Variants in MEIS1 observed in about 807,000 individuals in gnomAD.
MEIS1 encodes the protein homeobox protein Meis1.
A neutral mutation model predicts 50.8 loss-of-function variants in MEIS1; 5 were observed. That is an observed-to-expected ratio of 0.10 (90% CI 0.05 to 0.21). The LOEUF (loss-of-function observed/expected upper bound fraction) is 0.21, where lower values mean the gene tolerates loss of function less well. MEIS1 is among the 10% of genes least tolerant of loss of function. The pLI, the probability that MEIS1 is intolerant of heterozygous loss-of-function variation, is 1.00. For synonymous variants in MEIS1, 176 were observed against 179.3 expected (o/e 0.98, Z 0.15); for missense variants, 318 against 517.3 (o/e 0.61, Z 3.74).
At chr2:66,509,317 G>T (rs968396734) in intron 7 of MEIS1, among the ~76,000 whole-genome samples, 11 of 152,188 alleles carry the variant, frequency 7.2e-5, no homozygotes, top group Admixed American at 3.3e-4. Flanking sequence ...AAGGAGCAGG[G>T]TTTATTGTTT....
chr2:66,557,151 G>A (rs1407572190), intron 9 of MEIS1, among the ~76,000 whole-genome samples: 1 of 152,094 alleles, frequency 6.6e-6, no homozygotes, highest in Admixed American at 6.5e-5. Context: ...AAAAATCCTG[G>A]GAGGGAGGGA....
chr2:66,516,104 G>A (rs565788724), intron 8 of MEIS1, among the ~76,000 whole-genome samples: 1 of 152,160 alleles, frequency 6.6e-6, no homozygotes, highest in Non-Finnish European at 1.5e-5. Context: ...TGCATGCCAC[G>A]TTTAAGGTAA....
intron 7 of MEIS1, among the ~76,000 whole-genome samples, chr2:66,502,780 A>G (rs904718167): frequency 9.2e-5 from 14 of 152,224 alleles, no homozygotes; most frequent in Non-Finnish European, 1.6e-4. Flanking sequence ...AATTGCACAT[A>G]GTTTAACATT....
At chr2:66,556,883 T>C (rs1675079192) in intron 9 of MEIS1, among the ~76,000 whole-genome samples, 1 of 110,606 alleles carries the variant, frequency 9.0e-6, no homozygotes, top group African/African-American at 3.6e-5. Flanking sequence ...TAGTAGGTTA[T>C]GGCAGAGATT....
intron 6 of MEIS1, among the ~76,000 whole-genome samples, chr2:66,462,348 G>A (rs774113359): frequency 3.9e-5 from 6 of 152,150 alleles, no homozygotes; most frequent in Non-Finnish European, 7.4e-5. Flanking sequence ...GATGTCACTC[G>A]CAGGATCTCA....
chr2:66,466,178 G>T (rs764900395), intron 7 of MEIS1, among the ~76,000 whole-genome samples: 3 of 152,204 alleles, frequency 2.0e-5, no homozygotes, highest in Non-Finnish European at 4.4e-5. Flanking sequence ...TGAGTGATTT[G>T]TTGAGGTCCC....
At chr2:66,533,963 A>G (rs987370534) in intron 8 of MEIS1, among the ~76,000 whole-genome samples, 10 of 152,222 alleles carry the variant, frequency 6.6e-5, no homozygotes, top group African/African-American at 2.2e-4. Flanking sequence ...TGAGAACTGT[A>G]TGCATTTTAT....
intron 7 of MEIS1, among the ~76,000 whole-genome samples, chr2:66,495,751 G>C (rs1040258493): frequency 6.6e-6 from 1 of 152,162 alleles, no homozygotes; most frequent in Non-Finnish European, 1.5e-5. Flanking sequence ...GGCTGAGACA[G>C]GGCAGAAACA....
At chr2:66,479,283 A>G (rs2103780406) in intron 7 of MEIS1, among the ~76,000 whole-genome samples, 1 of 152,374 alleles carries the variant, frequency 6.6e-6, no homozygotes, top group African/African-American at 2.4e-5. Context: ...CAGTAGTTTA[A>G]AGAAAATGTT....
intron 7 of MEIS1, among the ~76,000 whole-genome samples, chr2:66,504,121 A>C (rs1673630978): frequency 6.6e-6 from 1 of 151,738 alleles, no homozygotes; most frequent in African/African-American, 2.4e-5. Context: ...AGGAAGAAGT[A>C]TTTTCTCCAG....
intron 6 of MEIS1, among the ~76,000 whole-genome samples, chr2:66,454,331 C>A (rs1558524601): frequency 6.6e-6 from 1 of 151,926 alleles, no homozygotes; most frequent in Admixed American, 6.6e-5. Flanking sequence ...AGAAAAATAT[C>A]TTAATTCTTA....
intron 7 of MEIS1, among the ~76,000 whole-genome samples, chr2:66,484,567 AT>A (rs199837844): frequency 6.6e-6 from 1 of 150,944 alleles, no homozygotes; most frequent in Non-Finnish European, 1.5e-5. Flanking sequence ...TTATTTATTT[AT>A]TTTTTTTGAG....
At chr2:66,548,046 C>T (rs564463686) in intron 9 of MEIS1, 27 bp downstream of exon 9, 1 of 1,607,896 alleles carries the variant, frequency 6.2e-7, no homozygotes, top group African/African-American at 1.3e-5. Flanking sequence ...TGTGTTTACA[C>T]ACAATCTGTT....
At chr2:66,438,633 C>T (rs747960179) in intron 2 of MEIS1, among the ~76,000 whole-genome samples, 9 of 152,180 alleles carry the variant, frequency 5.9e-5, no homozygotes, top group Non-Finnish European at 7.3e-5. Flanking sequence ...TGCTCTTCCT[C>T]GGAGGTTGTT....
intron 6 of MEIS1, among the ~76,000 whole-genome samples, chr2:66,449,635 T>C (rs923395661): frequency 2.0e-5 from 3 of 152,178 alleles, no homozygotes; most frequent in African/African-American, 7.2e-5. Context: ...GTATAAAGGA[T>C]ACTATGTGAA....
intron 6 of MEIS1, among the ~76,000 whole-genome samples, chr2:66,444,823 T>G (rs1162191096): frequency 6.6e-6 from 1 of 152,226 alleles, no homozygotes; most frequent in Non-Finnish European, 1.5e-5. Flanking sequence ...TCCGGAGTGC[T>G]GGGTACATAA....
chr2:66,498,361 T>C (rs1375967283), intron 7 of MEIS1, among the ~76,000 whole-genome samples: 1 of 152,124 alleles, frequency 6.6e-6, no homozygotes, highest in Non-Finnish European at 1.5e-5. Flanking sequence ...AGAGGTTAAA[T>C]AACTTGCCCA....
intron 8 of MEIS1, among the ~76,000 whole-genome samples, chr2:66,532,300 C>T (rs1674412366): frequency 6.6e-6 from 1 of 152,148 alleles, no homozygotes; most frequent in Admixed American, 6.5e-5. Flanking sequence ...CCTGAAATCA[C>T]ATGAACAGCA....
chr2:66,471,847 C>A (rs1479434650), intron 7 of MEIS1, among the ~76,000 whole-genome samples: 1 of 152,072 alleles, frequency 6.6e-6, no homozygotes, highest in Admixed American at 6.6e-5. Flanking sequence ...TCATAATATT[C>A]AGTTCTTTCT....
Sources: allele counts gnomAD v4.1 joint callset (sites outside exome capture counted in the v4.1 genomes callset), GRCh38; gene constraint gnomAD v4.1.1; transcripts MANE v1.5; gene names NCBI Gene and HGNC (gene_info 2026-07-23, HGNC 2026-07-21).